The following LPXN variants were observed in gnomAD, a reference collection of about 807,000 sequenced individuals.
LPXN encodes leupaxin.
Under a neutral mutation model 45.6 loss-of-function variants are expected in LPXN, and 28 were observed. The ratio of observed to expected loss-of-function variants is 0.61; its 90% CI spans 0.45 to 0.84. The LOEUF (loss-of-function observed/expected upper bound fraction) is 0.84, where lower values mean the gene tolerates loss of function less well. Among genes scored for constraint, LPXN ranks in the 40% least tolerant of loss-of-function variants. The probability of loss-of-function intolerance (pLI) is 0.00; values close to 1 mark genes in which losing one functional copy is unlikely to be tolerated. For synonymous variants in LPXN, 166 were observed against 169.9 expected (o/e 0.98, Z 0.18); for missense variants, 459 against 475.0 (o/e 0.97, Z 0.31).
At chr11:58,573,173 G>C (rs1293488859) in intron 1 of LPXN, among the ~76,000 whole-genome samples, 3 of 150,458 alleles carry the variant, frequency 2.0e-5, no homozygotes, top group African/African-American at 7.3e-5. Flanking sequence ...TTGAACCTGG[G>C]AAGCAGAGGT....
At chr11:58,569,837 A>T (rs952782898) in intron 2 of LPXN, among the ~76,000 whole-genome samples, 1 of 152,092 alleles carries the variant, frequency 6.6e-6, no homozygotes, top group Admixed American at 6.6e-5. Context: ...TGACCCTAAA[A>T]AGTCACCCTG....
chr11:58,537,536 G>C (rs1031687775), intron 7 of LPXN, among the ~76,000 whole-genome samples: 1 of 151,998 alleles, frequency 6.6e-6, no homozygotes, highest in African/African-American at 2.4e-5. Flanking sequence ...GGGAGGGATA[G>C]CATTAGGAGA....
At chr11:58,577,777 C>T (rs1469153669), upstream of LPXN, among the ~76,000 whole-genome samples, 1 of 151,772 alleles carries the variant, frequency 6.6e-6, no homozygotes, top group African/African-American at 2.4e-5. Context: ...AGTCATGTCA[C>T]GCTCACAACC....
chr11:58,554,755 C>T, intron 4 of LPXN, 86 bp downstream of exon 4: 1 of 978,662 alleles, frequency 1.0e-6, no homozygotes, highest in Non-Finnish European at 1.5e-6. Context: ...CTGAGTTCCA[C>T]AAAGATAAAC....
At chr11:58,578,267 A>C (rs192092111), upstream of LPXN, 26 of 522,522 alleles carry the variant, frequency 5.0e-5, no homozygotes, top group Admixed American at 2.8e-4. Context: ...TCCCGAAAAA[A>C]AGGTAAACTC....
intron 7 of LPXN, 48 bp downstream of exon 7, chr11:58,549,738 T>C (rs1282374626): frequency 1.3e-6 from 2 of 1,535,528 alleles, no homozygotes; most frequent in African/African-American, 2.7e-5. Flanking sequence ...GCTGGTCTTA[T>C]AACTACCCAC....
At chr11:58,569,027 A>T (rs979376666) in intron 2 of LPXN, among the ~76,000 whole-genome samples, 1 of 152,234 alleles carries the variant, frequency 6.6e-6, no homozygotes, top group African/African-American at 2.4e-5. Flanking sequence ...TCTAACACTG[A>T]GAACAAAGAC....
intron 6 of LPXN, 33 bp downstream of exon 6, chr11:58,549,940 C>G (rs1208886490): frequency 6.2e-7 from 1 of 1,613,908 alleles, no homozygotes; most frequent in South Asian, 1.1e-5. Flanking sequence ...AAGTGAGTGA[C>G]TGAAAGCTGG....
chr11:58,564,345 C>T, intron 2 of LPXN, 144 bp from the exon 3 acceptor site: 1 of 639,220 alleles, frequency 1.6e-6, no homozygotes, highest in Non-Finnish European at 2.8e-6. Context: ...TCTTCTTTCA[C>T]AAGCCAGAGG....
At chr11:58,545,724 A>G (rs567421286) in intron 7 of LPXN, among the ~76,000 whole-genome samples, 1 of 152,160 alleles carries the variant, frequency 6.6e-6, no homozygotes, top group African/African-American at 2.4e-5. Context: ...GAGGAATTGA[A>G]TTTCAGTCAA....
chr11:58,556,317 G>A (rs532816423), intron 3 of LPXN, among the ~76,000 whole-genome samples: 1 of 151,650 alleles, frequency 6.6e-6, no homozygotes, highest in African/African-American at 2.4e-5. Flanking sequence ...AAAAAGCCGT[G>A]GAAGACATTT....
rs973654726 is a variant in LPXN, at chr11:58,530,459, G to A, written c.743-2268C>T. ...AAGATCAAACTGGGTGGAGCCAACC[G>A]CAGCTCAGCAAGGCTGCTGTGGCTA... On this transcript the variant is annotated intron_variant, in intron 7 of 8. Transcript: ENST00000395074. Among the ~76,000 whole-genome samples, 7 of 152,218 alleles carry A rather than the reference G, an allele frequency of 4.6e-5. No individual in the cohort carries two copies. In the South Asian group the frequency reaches 6.2e-4, roughly 14 times the overall value.
At chr11:58,539,947 C>T (rs1181868108) in intron 7 of LPXN, among the ~76,000 whole-genome samples, 2 of 152,006 alleles carry the variant, frequency 1.3e-5, no homozygotes, top group African/African-American at 2.4e-5. Context: ...ATAGAGGGAT[C>T]GGGATGACAC....
At chr11:58,539,926 G>A (rs1235930335) in intron 7 of LPXN, among the ~76,000 whole-genome samples, 4 of 152,016 alleles carry the variant, frequency 2.6e-5, no homozygotes, top group African/African-American at 9.7e-5. Context: ...TCATTAATGG[G>A]GAACTTTAAA....
At chr11:58,573,246 C>CAAA (rs59534059) in intron 1 of LPXN, among the ~76,000 whole-genome samples, 2 of 90,486 alleles carry the variant, frequency 2.2e-5, no homozygotes, top group African/African-American at 3.2e-5. Context: ...AACTCCGTCT[C>CAAA]AAAAAAAAAA....
chr11:58,569,871 C>A lies in LPXN; in HGVS notation c.171+685G>T, dbSNP rs1457057260. ...TGAGAAGACTTGTCTATGCTGCCAC[C>A]TGGCCTTCCTCAGGTGATCTCTGGC... On this transcript the variant is annotated intron_variant, in intron 2 of 8. Transcript: ENST00000395074. 2.0e-5 allele frequency among the ~76,000 whole-genome samples: 3 copies of A among 152,176 alleles called. No individual in the cohort carries two copies. In the East Asian group the frequency reaches 5.8e-4, roughly 29 times the overall value.
chr11:58,569,801 A>T lies in LPXN; in HGVS notation c.171+755T>A, dbSNP rs1391987371. 4.6e-5 allele frequency among the ~76,000 whole-genome samples: 7 copies of T among 152,318 alleles called. No individual in the cohort carries two copies. The South Asian group carries it at 1.5e-3, about 32-fold the overall frequency. On this transcript the variant is annotated intron_variant, in intron 2 of 8. Coordinates refer to ENST00000395074, the MANE Select transcript of LPXN (RefSeq NM_004811.3). ...AATAATTGAATCTCCTAATCTATTC[A>T]GCAGAAAATAAGACCTGGGAAGTAG... is the stretch of plus-strand genomic sequence containing the variant.
intron 7 of LPXN, among the ~76,000 whole-genome samples, chr11:58,532,962 A>G (rs1382491294): frequency 6.6e-6 from 1 of 152,110 alleles, no homozygotes; most frequent in East Asian, 1.9e-4. Flanking sequence ...CGAGACCACG[A>G]ATCCACCAGG....
At chr11:58,565,596 G>C (rs1370501703) in intron 2 of LPXN, among the ~76,000 whole-genome samples, 1 of 151,724 alleles carries the variant, frequency 6.6e-6, no homozygotes, top group Non-Finnish European at 1.5e-5. Flanking sequence ...GGACCTATAA[G>C]ATAATTCTAT....
Sources: gnomAD v4.1 joint callset for allele counts (sites outside exome capture counted in the v4.1 genomes callset) on GRCh38, gnomAD v4.1.1 for gene constraint, MANE v1.5 for transcripts, NCBI Gene and HGNC (gene_info 2026-07-23, HGNC 2026-07-21) for gene names.